The following PHC1 variants were observed in gnomAD, a reference collection of about 807,000 sequenced individuals.
The protein encoded by PHC1 is polyhomeotic-like protein 1.
Under a neutral mutation model 104.3 loss-of-function variants are expected in PHC1, and 12 were observed. The ratio of observed to expected loss-of-function variants is 0.12; its 90% CI spans 0.07 to 0.19. The LOEUF (loss-of-function observed/expected upper bound fraction) is 0.19, where lower values mean the gene tolerates loss of function less well. Among genes scored for constraint, PHC1 ranks in the 10% least tolerant of loss-of-function variants. The pLI, the probability that PHC1 is intolerant of heterozygous loss-of-function variation, is 1.00. For synonymous variants in PHC1, 302 were observed against 455.8 expected, an observed-to-expected ratio of 0.66 and a Z score of 4.30; for missense variants, 671 against 1,200.0, an observed-to-expected ratio of 0.56 and a Z score of 6.51.
Position 8,921,074 on chromosome 12 carries a change from G to T in PHC1, c.306+9G>T, listed in dbSNP as rs766410869. 1 of 1,598,260 alleles carries T rather than the reference G, an allele frequency of 6.3e-7. No homozygotes were observed. The highest frequency in any genetic ancestry group is 1.3e-5 in the African/African-American group (1 of 74,190). On this transcript the variant is annotated intron_variant, in intron 4 of 14. Coordinates refer to ENST00000544916, the MANE Select transcript of PHC1 (RefSeq NM_004426.3). ...CCACCACCCAGGCCTCGGTGAGTAC[G>T]CCCTCTCCCACTGAGAGGCTTCTCT...
intron 6 of PHC1, among the ~76,000 whole-genome samples, chr12:8,925,906 TC>T (rs1470214037): frequency 5.3e-5 from 8 of 152,174 alleles, no homozygotes; most frequent in Admixed American, 4.6e-4. Flanking sequence ...GAATAACTGT[TC>T]TAACAGTTTA....
At chr12:8,926,707 C>A (rs538381750) in intron 6 of PHC1, among the ~76,000 whole-genome samples, 1 of 151,928 alleles carries the variant, frequency 6.6e-6, no homozygotes, top group Admixed American at 6.6e-5. Flanking sequence ...GTCAGGAGTT[C>A]GAGACCATCC....
At chr12:8,921,495 G>A in intron 4 of PHC1, 106 bp from the exon 5 acceptor site, 1 of 994,970 alleles carries the variant, frequency 1.0e-6, no homozygotes, top group Non-Finnish European at 1.5e-6. Context: ...CTCCATGAAA[G>A]TGAAATACTC....
intron 6 of PHC1, among the ~76,000 whole-genome samples, chr12:8,927,736 T>TGTA (rs2137092471): frequency 6.6e-6 from 1 of 152,306 alleles, no homozygotes; most frequent in Admixed American, 6.5e-5. Context: ...CCAGATAATA[T>TGTA]TATGTGCTCT....
At chr12:8,935,293 T>C (rs987398008) in intron 11 of PHC1, 55 bp downstream of exon 11, 1 of 941,706 alleles carries the variant, frequency 1.1e-6, no homozygotes, top group South Asian at 1.5e-5. Context: ...GAGATGTGTT[T>C]GAGGACTCGG....
chr12:8,926,742 C>T (rs1335448349), intron 6 of PHC1, among the ~76,000 whole-genome samples: 2 of 152,132 alleles, frequency 1.3e-5, no homozygotes, highest in Admixed American at 6.5e-5. Context: ...GGTGAAACCC[C>T]GTCTCTACTA....
chr12:8,922,752 T>C lies in PHC1; in HGVS notation c.576T>C (p.Ser192=), dbSNP rs1471869744. 6.2e-6 allele frequency: 10 copies of C among 1,612,886 alleles called. No individual in the cohort carries two copies. In the East Asian group the frequency reaches 6.7e-5, roughly 11 times the overall value. ...AVAAVQQEVP[S]AQSPGVHADA... is the part of the protein sequence containing the mutation. The stretch of plus-strand genomic sequence containing the variant: ...CTGCAGTCCAGCAGGAGGTGCCATC[T>C]GCTCAGTCTCCTGGAGTTCATGCAG... Residue 192 remains serine, a synonymous_variant, in exon 6 of 15, where the codon TCT becomes TCC. Coordinates refer to ENST00000544916, the MANE Select transcript of PHC1 (RefSeq NM_004426.3).
At chr12:8,933,820 C>T (rs896445399) in intron 8 of PHC1, 45 bp from the exon 9 acceptor site, 72 of 1,537,858 alleles carry the variant, frequency 4.7e-5, no homozygotes, top group Non-Finnish European at 6.3e-5. Context: ...CCTTATTATC[C>T]TTCATTTGTA....
In PHC1 at chr12:8,934,281, G is replaced by C. The variant is rs369126781; in HGVS notation, c.2056G>C (p.Val686Leu). ...KSSLGEKAES[V>L]ANVNANTPSS... is the part of the protein sequence containing the mutation. Reference sequence around the variant, plus strand: ...TTGTTTTCCAGAAAAAGCTGAATCAGTGGCTAATGTGAATGCTAATACTCC... The same window carrying C: ...TTGTTTTCCAGAAAAAGCTGAATCACTGGCTAATGTGAATGCTAATACTCC... The change falls in exon 10 of 15, where the codon GTG becomes CTG. Residue 686 changes from valine (V) to leucine (L), a missense_variant. By Grantham distance (32) the Val-to-Leu change is conservative. This residue lies in a region of PHC1 where 95 missense variants were observed against 108.8 expected (regional missense o/e 0.87). Coordinates refer to ENST00000544916, the MANE Select transcript of PHC1 (RefSeq NM_004426.3). 6.2e-6 allele frequency: 10 copies of C among 1,613,518 alleles called. No individual in the cohort carries two copies. Among genetic ancestry groups the C allele is most frequent in the Admixed American group, 5.0e-5 (3 of 59,908 alleles).
intron 5 of PHC1, among the ~76,000 whole-genome samples, chr12:8,922,045 C>T (rs1225089655): frequency 6.6e-6 from 1 of 152,176 alleles, no homozygotes; most frequent in African/African-American, 2.4e-5. Flanking sequence ...AACTCCTGAC[C>T]TCAGGTGATC....
chr12:8,933,865 G>A lies in PHC1; in HGVS notation c.1894G>A (p.Gly632Ser), dbSNP rs1411616436. 8.1e-6 allele frequency: 13 copies of A among 1,612,588 alleles called. No homozygotes were observed. Among genetic ancestry groups the A allele is most frequent in the African/African-American group, 1.3e-5 (1 of 74,988 alleles). Reference protein sequence around the residue: ...AFYMQSVHLPGKPQTLAVKRK... With the variant: ...AFYMQSVHLPSKPQTLAVKRK... ...TTCTTTCCTATTCTTTACGGTATAG[G>A]GTAAACCCCAGACATTGGCTGTCAA... Residue 632 changes from glycine to serine, a missense_variant and splice_region_variant, in exon 9 of 15, where the codon GGT becomes AGT. Coordinates refer to ENST00000544916, the MANE Select transcript of PHC1 (RefSeq NM_004426.3).
chr12:8,921,043 A>C lies in PHC1; in HGVS notation c.284A>C (p.Gln95Pro), dbSNP rs762638543. Residue 95 changes from glutamine to proline, a missense_variant, in exon 4 of 15, where the codon CAG (glutamine) becomes CCG (proline). This residue lies in a region of PHC1 where 237 missense variants were observed against 331.1 expected (regional missense o/e 0.72). Coordinates refer to ENST00000544916, the MANE Select transcript of PHC1 (RefSeq NM_004426.3). The stretch of plus-strand genomic sequence containing the variant: ...CCAAACACCAGCACTACACAGCAGC[A>C]GACTACCACCACCCAGGCCTCGGTG... Reference protein sequence around the residue: ...SSPNTSTTQQQTTTTQASINL... With the variant: ...SSPNTSTTQQPTTTTQASINL... 11 of 1,613,394 alleles carry C rather than the reference A, an allele frequency of 6.8e-6. No individual in the cohort carries two copies. The highest frequency in any genetic ancestry group is 9.3e-6 in the Non-Finnish European group (11 of 1,179,734).
chr12:8,917,191 AAGG>A (rs1187719012), intron 1 of PHC1, among the ~76,000 whole-genome samples: 1 of 152,220 alleles, frequency 6.6e-6, no homozygotes, highest in African/African-American at 2.4e-5. Flanking sequence ...AGCCCAGTGA[AAGG>A]AGGCAACTAG....
rs1299340573 is a variant in PHC1 at position 8,933,273 on chromosome 12, A to G, written c.1816A>G (p.Lys606Glu). 8.2e-6 allele frequency: 12 copies of G among 1,459,512 alleles called. No homozygotes were observed. Among genetic ancestry groups the G allele is most frequent in the Non-Finnish European group, 1.1e-5 (12 of 1,100,696 alleles). 90.4% of individuals were successfully genotyped at this position (1,459,512 alleles called of 1,614,324 possible). A position where few individuals can be genotyped will look rare whatever the true frequency, so the allele number is the denominator to read the frequency against. ...TGTGCAGGGGACAGCACATGTGGTAAAGGGTGGGGCTACCACCTCCTCACC... is the reference window on the plus strand; with the variant it reads ...TGTGCAGGGGACAGCACATGTGGTAGAGGGTGGGGCTACCACCTCCTCACC... ...APVQGTAHVV[K>E]GGATTSSPVV... Residue 606 changes from lysine to glutamate, a missense_variant, in exon 8 of 15, where the codon AAG (lysine) becomes GAG (glutamate). Physicochemically the swap from Lys to Glu is moderately conservative, Grantham distance 56 (BLOSUM62 1). Transcript: ENST00000544916.
chr12:8,927,913 C>CTTTCTTTT (rs1555128000), intron 6 of PHC1, among the ~76,000 whole-genome samples: 2 of 35,738 alleles, frequency 5.6e-5, no homozygotes, highest in East Asian at 6.3e-4. Flanking sequence ...TTCTTTCTTT[C>CTTTCTTTT]TTTTTTTTTT....
upstream of PHC1, among the ~76,000 whole-genome samples, chr12:8,914,266 AC>A (rs1164018669): frequency 5.9e-5 from 9 of 152,084 alleles, no homozygotes; most frequent in East Asian, 1.8e-3. Flanking sequence ...CGTCCTTCCA[AC>A]CGGCGAGCAG....
At chr12:8,922,527 G>C in intron 5 of PHC1, 106 bp from the exon 6 acceptor site, 2 of 997,390 alleles carry the variant, frequency 2.0e-6, no homozygotes, top group Non-Finnish European at 3.0e-6. Context: ...GGGCTCAGCT[G>C]TTTAATATCT....
intron 6 of PHC1, among the ~76,000 whole-genome samples, chr12:8,924,935 C>T (rs1945475009): frequency 6.6e-6 from 1 of 152,166 alleles, no homozygotes; most frequent in Non-Finnish European, 1.5e-5. Context: ...CTCTTGTGGT[C>T]ATCTAGCTGT....
intron 1 of PHC1, chr12:8,915,261 T>TAG (rs1945168652): frequency 6.5e-6 from 1 of 152,716 alleles, no homozygotes; most frequent in Non-Finnish European, 1.5e-5. Flanking sequence ...ATCCACCCCC[T>TAG]TCCCCCAGTG....
Sources: gnomAD v4.1 joint callset for allele counts (sites outside exome capture counted in the v4.1 genomes callset) on GRCh38, gnomAD v4.1.1 for gene constraint, gnomAD v4.1.1 regional missense constraint, MANE v1.5 for transcripts, NCBI Gene and HGNC (gene_info 2026-07-23, HGNC 2026-07-21) for gene names.